ABL1: variants seen among roughly 807,000 people sequenced by gnomAD.
The protein encoded by ABL1 is ABL proto-oncogene 1, non-receptor tyrosine kinase.
In ABL1, 11 loss-of-function variants were observed where a neutral mutation model predicts 94.7. The ratio of observed to expected loss-of-function variants is 0.12; its 90% CI spans 0.07 to 0.19. ABL1 has a LOEUF of 0.19. ABL1 is among the 10% of genes least tolerant of loss of function. The probability of loss-of-function intolerance (pLI) is 1.00; values close to 1 mark genes in which losing one functional copy is unlikely to be tolerated. For synonymous variants in ABL1, 656 were observed against 622.4 expected (o/e 1.05, Z -0.80); for missense variants, 1,082 against 1,489.4 (o/e 0.73, Z 4.50).
At chr9:130,828,599 C>T (rs1334391153) in intron 1 of ABL1, among the ~76,000 whole-genome samples, 5 of 151,872 alleles carry the variant, frequency 3.3e-5, no homozygotes, top group African/African-American at 4.8e-5. Context: ...TAGAAACTCT[C>T]GGGAGGCTGA....
chr9:130,773,098 A>ATCACC (rs1832271834), intron 1 of ABL1, among the ~76,000 whole-genome samples: 1 of 152,214 alleles, frequency 6.6e-6, no homozygotes. Flanking sequence ...AGGCGGGTGG[A>ATCACC]TCACCTGAGG....
chr9:130,773,352 A>T (rs1401078595), intron 1 of ABL1, among the ~76,000 whole-genome samples: 1 of 151,824 alleles, frequency 6.6e-6, no homozygotes. Context: ...AATAAATAAA[A>T]AATAAAAGAT....
intron 1 of ABL1, among the ~76,000 whole-genome samples, chr9:130,804,061 A>G (rs992070454): frequency 6.9e-6 from 1 of 145,256 alleles, no homozygotes; most frequent in African/African-American, 2.5e-5. Context: ...ACCTCTTAAG[A>G]AAAAAAAAAA....
chr9:130,839,799 C>T (rs775252431), intron 1 of ABL1, among the ~76,000 whole-genome samples: 2 of 152,170 alleles, frequency 1.3e-5, no homozygotes, highest in Admixed American at 6.5e-5. Context: ...TATGTTGATA[C>T]GAGATTCCTC....
intron 1 of ABL1, among the ~76,000 whole-genome samples, chr9:130,782,735 T>C (rs976188947): frequency 1.3e-5 from 2 of 152,256 alleles, no homozygotes; most frequent in African/African-American, 4.8e-5. Flanking sequence ...TGGTGGTGAC[T>C]GTCCTTGCTA....
intron 1 of ABL1, among the ~76,000 whole-genome samples, chr9:130,741,000 C>CT (rs1831810228): frequency 6.6e-6 from 1 of 151,972 alleles, no homozygotes; most frequent in South Asian, 2.1e-4. Context: ...TTAATGCCAT[C>CT]TAACACGAGT....
intron 1 of ABL1, among the ~76,000 whole-genome samples, chr9:130,768,123 G>T (rs1832206871): frequency 1.3e-5 from 2 of 152,166 alleles, no homozygotes; most frequent in Non-Finnish European, 2.9e-5. Context: ...ACCCAGATGG[G>T]AGAGCCCCCT....
intron 1 of ABL1, among the ~76,000 whole-genome samples, chr9:130,736,231 T>G (rs1348425805): frequency 6.6e-6 from 1 of 151,976 alleles, no homozygotes; most frequent in East Asian, 1.9e-4. Context: ...ATTATAGGCA[T>G]GAGCCACCAC....
Position 130,885,999 on chromosome 9 carries a change from T to C in ABL1, c.*316T>C, listed in dbSNP as rs1831576114. The C allele has an allele frequency of 2.7e-6, 1 of 366,890 alleles. No individual in the cohort carries two copies. Among genetic ancestry groups the C allele is most frequent in the Non-Finnish European group, 4.9e-6 (1 of 202,302 alleles). The allele number at this position is 366,890 out of a possible 1,614,324, so 22.7% of individuals were successfully genotyped here. ...TCCCACCTAGTGCCCCAGACTGAGC[T>C]CTCCAGGCCAGGTGGGAACGGCTGA... On this transcript the variant is annotated 3_prime_UTR_variant, in exon 11 of 11. Transcript: ENST00000318560.
intron 1 of ABL1, among the ~76,000 whole-genome samples, chr9:130,805,063 T>G (rs1341178736): frequency 6.6e-6 from 1 of 152,144 alleles, no homozygotes; most frequent in East Asian, 1.9e-4. Flanking sequence ...TATAACAACA[T>G]TTTCTTTTCT....
intron 1 of ABL1, among the ~76,000 whole-genome samples, chr9:130,786,230 C>T (rs1829823882): frequency 6.6e-6 from 1 of 152,090 alleles, no homozygotes. Context: ...TCTGGGGGGC[C>T]CTGGGGCAGA....
intron 1 of ABL1, among the ~76,000 whole-genome samples, chr9:130,738,458 G>T (rs1332550429): frequency 6.6e-6 from 1 of 152,126 alleles, no homozygotes; most frequent in African/African-American, 2.4e-5. Context: ...GTAGTTGCTG[G>T]AATGAGATAG....
intron 7 of ABL1, 92 bp from the exon 8 acceptor site, chr9:130,878,323 C>T: frequency 1.5e-5 from 22 of 1,471,500 alleles, no homozygotes; most frequent in Non-Finnish European, 2.1e-5. Context: ...GCCATCCCTT[C>T]TGAGGTCTGC....
chr9:130,873,093 A>T, intron 6 of ABL1, 56 bp downstream of exon 6: 1 of 1,556,052 alleles, frequency 6.4e-7, no homozygotes, highest in Non-Finnish European at 8.7e-7. Context: ...GGAGCCGGGC[A>T]GCCTTTTACA....
intron 1 of ABL1, among the ~76,000 whole-genome samples, chr9:130,749,791 A>T (rs973890134): frequency 3.3e-5 from 5 of 152,304 alleles, no homozygotes; most frequent in Admixed American, 6.5e-5. Context: ...TTATTATTTT[A>T]TGAAATTGTT....
upstream of ABL1, among the ~76,000 whole-genome samples, chr9:130,833,046 G>T (rs145864684): frequency 3.3e-5 from 5 of 151,474 alleles, no homozygotes; most frequent in African/African-American, 1.2e-4. Flanking sequence ...GGATTTAAGA[G>T]GATAAGATCA....
intron 1 of ABL1, among the ~76,000 whole-genome samples, chr9:130,828,203 C>T (rs1830451024): frequency 6.6e-6 from 1 of 152,014 alleles, no homozygotes; most frequent in South Asian, 2.1e-4. Context: ...ACTGGGACTA[C>T]AGGCACGCAC....
chr9:130,846,469 A>C (rs1275523897), intron 1 of ABL1, among the ~76,000 whole-genome samples: 1 of 152,232 alleles, frequency 6.6e-6, no homozygotes, highest in Non-Finnish European at 1.5e-5. Context: ...AAATAATTGA[A>C]TGTGAGCAAA....
At chr9:130,832,381 A>G (rs868351843), upstream of ABL1, among the ~76,000 whole-genome samples, 2 of 151,884 alleles carry the variant, frequency 1.3e-5, no homozygotes, top group African/African-American at 2.4e-5. Flanking sequence ...ATTTTCTCCT[A>G]AGACATGTTT....
Sources: gnomAD v4.1 joint callset for allele counts (sites outside exome capture counted in the v4.1 genomes callset) on GRCh38, gnomAD v4.1.1 for gene constraint, MANE v1.5 for transcripts, NCBI Gene and HGNC (gene_info 2026-07-23, HGNC 2026-07-21) for gene names.